Variants in NPHP1 observed in about 807,000 individuals in gnomAD.
NPHP1 encodes the protein nephrocystin 1.
Under a neutral mutation model 90.4 loss-of-function variants are expected in NPHP1, and 70 were observed. The observed-to-expected ratio is 0.77, with a 90% CI of 0.64 to 0.95. The LOEUF (loss-of-function observed/expected upper bound fraction) is 0.95, where lower values mean the gene tolerates loss of function less well. NPHP1 is among the 40% of genes least tolerant of loss of function. NPHP1 has a pLI of 0.00. For missense variants in NPHP1, 764 were observed against 795.9 expected, an observed-to-expected ratio of 0.96 and a Z score of 0.48; for synonymous variants, 256 against 271.7, an observed-to-expected ratio of 0.94 and a Z score of 0.57.
At chr2:110,188,931 G>A (rs1000981133) in intron 2 of NPHP1, among the ~76,000 whole-genome samples, 6 of 152,080 alleles carry the variant, frequency 3.9e-5, no homozygotes, top group African/African-American at 1.4e-4. Context: ...TGCTGGAAGA[G>A]CTGGCTAGCT....
chr2:110,129,403 A>G, intron 17 of NPHP1, 144 bp from the exon 18 acceptor site: 2 of 730,490 alleles, frequency 2.7e-6, no homozygotes, highest in Non-Finnish European at 4.9e-6. Context: ...CTTCTAGGAG[A>G]GCTCAAAGCT....
At chr2:110,203,537 C>T (rs1420203887) in intron 1 of NPHP1, among the ~76,000 whole-genome samples, 1 of 151,962 alleles carries the variant, frequency 6.6e-6, no homozygotes, top group South Asian at 2.1e-4. Flanking sequence ...TTTGTTGCAC[C>T]ACTGTGATTC....
At position 110,123,664 on chromosome 2, in the gene NPHP1, T is replaced by C. The variant is rs1679134276; in HGVS notation, c.*127A>G. The C allele has an allele frequency of 1.1e-6, 1 of 869,828 alleles. No individual in the cohort carries two copies. Among genetic ancestry groups the C allele is most frequent in the South Asian group, 1.5e-5 (1 of 68,596 alleles). The allele number at this position is 869,828 out of a possible 1,614,324, so 53.9% of individuals were successfully genotyped here. On this transcript the variant is annotated 3_prime_UTR_variant, in exon 20 of 20. Coordinates refer to ENST00000445609, the MANE Select transcript of NPHP1 (RefSeq NM_001128178.3). ...TAAACATTTCTTTAAAAATATGGTC[T>C]GTAGAAAGAAAAGAGTAAAACCTAA...
intron 5 of NPHP1, 67 bp downstream of exon 5, chr2:110,169,739 G>C: frequency 9.5e-7 from 1 of 1,051,422 alleles, no homozygotes; most frequent in South Asian, 1.3e-5. Context: ...TGTACAGGCA[G>C]AGTTTTCTTA....
Position 110,125,625 on chromosome 2 carries a change from C to T in NPHP1, c.1761+12G>A. 6.2e-7 allele frequency: 1 copy of T among 1,608,176 alleles called. No homozygotes were observed. Among genetic ancestry groups the T allele is most frequent in the Non-Finnish European group, 8.5e-7 (1 of 1,174,678 alleles). On this transcript the variant is annotated intron_variant, in intron 19 of 19. Coordinates refer to ENST00000445609, the MANE Select transcript of NPHP1 (RefSeq NM_001128178.3). ...GCAAATATGGAGTTCAGTGTGGAGA[C>T]TCATATTTTACCTTCTCTGATCTTT...
At chr2:110,198,776 G>A (rs577469716) in intron 2 of NPHP1, among the ~76,000 whole-genome samples, 1 of 148,934 alleles carries the variant, frequency 6.7e-6, no homozygotes, top group African/African-American at 2.4e-5. Flanking sequence ...TTATTCAGGG[G>A]ATGGTACTAG....
At chr2:110,136,369 G>C (rs1015770822) in intron 16 of NPHP1, among the ~76,000 whole-genome samples, 1 of 152,174 alleles carries the variant, frequency 6.6e-6, no homozygotes, top group African/African-American at 2.4e-5. Context: ...ATTAGGAAAA[G>C]AGGAAGTCAA....
At chr2:110,152,248 G>A (rs913780018) in intron 11 of NPHP1, among the ~76,000 whole-genome samples, 4 of 152,024 alleles carry the variant, frequency 2.6e-5, no homozygotes, top group African/African-American at 9.7e-5. Context: ...GAGCTCAGGA[G>A]TTCGGGACCA....
chr2:110,131,717 T>A lies in NPHP1; in HGVS notation c.1604A>T (p.Asp535Val). 6.2e-7 allele frequency: 1 copy of A among 1,613,348 alleles called. No individual in the cohort carries two copies. The highest frequency in any genetic ancestry group is 1.1e-5 in the South Asian group (1 of 91,044). ...LLIFYRQILG[D>V]VLLKDRMSLQ... ...GCTCATCCTGTCTTTCAGGAGCACA[T>A]CTCCAAGAATTTGTCGATAAAATAT... The change falls in exon 17 of 20, where the codon GAT (aspartate) becomes GTT (valine). Residue 535 changes from aspartate (D) to valine (V), a missense_variant. Coordinates refer to ENST00000445609, the MANE Select transcript of NPHP1 (RefSeq NM_001128178.3).
intron 19 of NPHP1, chr2:110,124,331 GT>G: frequency 1.9e-6 from 1 of 535,312 alleles, no homozygotes; most frequent in Non-Finnish European, 3.4e-6. Context: ...TCCATGGAGG[GT>G]GTCTCACACA....
intron 11 of NPHP1, among the ~76,000 whole-genome samples, chr2:110,152,592 G>C (rs1419937934): frequency 8.2e-6 from 1 of 122,552 alleles, no homozygotes; most frequent in Non-Finnish European, 1.6e-5. Context: ...CTGGAAGCCA[G>C]TAGGGTTAAA....
chr2:110,187,212 C>T (rs1020927211), intron 2 of NPHP1, among the ~76,000 whole-genome samples: 4 of 151,792 alleles, frequency 2.6e-5, no homozygotes, highest in Non-Finnish European at 5.9e-5. Flanking sequence ...AAAAACCCTA[C>T]AAAGAACAAA....
At chr2:110,192,612 A>G (rs550224724) in intron 2 of NPHP1, among the ~76,000 whole-genome samples, 1 of 152,310 alleles carries the variant, frequency 6.6e-6, no homozygotes, top group East Asian at 1.9e-4. Flanking sequence ...AACTTCCCCA[A>G]TCTAGCAAGG....
intron 16 of NPHP1, among the ~76,000 whole-genome samples, chr2:110,133,105 A>G (rs1478638325): frequency 6.6e-6 from 1 of 152,098 alleles, no homozygotes. Context: ...CAATCAAAAG[A>G]TACAGATTGG....
chr2:110,124,330 GGT>G, intron 19 of NPHP1: 1 of 534,558 alleles, frequency 1.9e-6, no homozygotes, highest in Non-Finnish European at 3.4e-6. Context: ...CTCCATGGAG[GGT>G]GTCTCACACA....
chr2:110,199,485 T>TA (rs1330731900), intron 2 of NPHP1, among the ~76,000 whole-genome samples: 4 of 150,952 alleles, frequency 2.6e-5, no homozygotes, highest in South Asian at 2.1e-4. Flanking sequence ...AGAAAAGTGT[T>TA]AAAGTCAAGA....
rs149355005 is a variant in NPHP1, at chr2:110,130,091, C to T, written c.1643-832G>A. On this transcript the variant is annotated intron_variant, in intron 17 of 19. Transcript: ENST00000445609. ...GAAGGCAAAAGGGTGAGACGAATTC[C>T]CTTGTCAAGCCCTTCTGTAAGGGTC... Among the ~76,000 whole-genome samples the T allele has an allele frequency of 1.3e-4, 20 of 152,234 alleles. 1 individual carries two copies. The highest frequency in any genetic ancestry group is 1.8e-4 in the Non-Finnish European group (12 of 68,012).
chr2:110,185,078 G>C, intron 2 of NPHP1: 1 of 596,786 alleles, frequency 1.7e-6, no homozygotes, highest in Non-Finnish European at 3.3e-6. Flanking sequence ...CACGTGGATT[G>C]AGGGCTCTAT....
chr2:110,193,934 A>C lies in NPHP1; in HGVS notation c.143+7487T>G, dbSNP rs529835290. The stretch of plus-strand genomic sequence containing the variant: ...TGGATACATAACGAAATGAAGGCAG[A>C]AATAAAGATGTTCTTTGAAACCAAC... On this transcript the variant is annotated intron_variant, in intron 2 of 19. Coordinates refer to ENST00000445609, the MANE Select transcript of NPHP1 (RefSeq NM_001128178.3). Among the ~76,000 whole-genome samples, 4 of 152,336 alleles carry C rather than the reference A, an allele frequency of 2.6e-5. No homozygotes were observed. In the South Asian group the frequency reaches 6.2e-4, roughly 24 times the overall value.
Sources: gnomAD v4.1 joint callset for allele counts (sites outside exome capture counted in the v4.1 genomes callset) on GRCh38, gnomAD v4.1.1 for gene constraint, MANE v1.5 for transcripts, NCBI Gene and HGNC (gene_info 2026-07-23, HGNC 2026-07-21) for gene names.